Variants in REDIC1 observed in about 807,000 individuals in gnomAD.
REDIC1 encodes the protein regulator of DNA class I crossover intermediates 1, also known as HEI10 Interacting Protein 1.
the REDIC1 span, among the ~76,000 whole-genome samples, chr12:39,655,632 G>C: frequency 7.9e-5 from 12 of 152,174 alleles, no homozygotes; most frequent in South Asian, 1.0e-3. Context: ...GTCTCAGGGA[G>C]CTGCAGTGTT....
chr12:39,888,241 T>C, the REDIC1 span, among the ~76,000 whole-genome samples: 2 of 152,188 alleles, frequency 1.3e-5, no homozygotes, highest in Non-Finnish European at 2.9e-5. Flanking sequence ...TTTATTTATT[T>C]TGAGAAGGAG....
At chr12:39,866,774 C>T in the REDIC1 span, among the ~76,000 whole-genome samples, 1 of 152,126 alleles carries the variant, frequency 6.6e-6, no homozygotes, top group East Asian at 1.9e-4. Context: ...CCACAGCGCC[C>T]GGCCGAAAGA....
At chr12:39,894,730 G>A in the REDIC1 span, among the ~76,000 whole-genome samples, 1 of 152,112 alleles carries the variant, frequency 6.6e-6, no homozygotes, top group Admixed American at 6.6e-5. Context: ...CAAAAGGCTA[G>A]GTTCATTGGT....
chr12:39,906,735 A>G, the REDIC1 span, among the ~76,000 whole-genome samples: 2 of 152,112 alleles, frequency 1.3e-5, no homozygotes, highest in Non-Finnish European at 2.9e-5. Flanking sequence ...TTCTTATTAA[A>G]GTGAGAGCTA....
chr12:39,846,505 G>A, the REDIC1 span, among the ~76,000 whole-genome samples: 1 of 152,162 alleles, frequency 6.6e-6, no homozygotes, highest in Non-Finnish European at 1.5e-5. Flanking sequence ...CAGGGTGGGT[G>A]CAGTGGTGCA....
chr12:39,845,149 C>T, the REDIC1 span, among the ~76,000 whole-genome samples: 1 of 151,728 alleles, frequency 6.6e-6, no homozygotes, highest in Admixed American at 6.6e-5. Context: ...TGGGCAGTCA[C>T]GTTGCCTTTA....
At chr12:39,736,041 G>T in the REDIC1 span, among the ~76,000 whole-genome samples, 5 of 152,192 alleles carry the variant, frequency 3.3e-5, no homozygotes, top group Admixed American at 6.5e-5. Context: ...ATACTGGTAG[G>T]AAGCAGGCTG....
chr12:39,705,479 C>G, the REDIC1 span, among the ~76,000 whole-genome samples: 46 of 152,178 alleles, frequency 3.0e-4, no homozygotes, highest in African/African-American at 1.1e-3. Flanking sequence ...ATGTATTAAC[C>G]TGATACCAAA....
chr12:39,812,398 C>T, the REDIC1 span, among the ~76,000 whole-genome samples: 52 of 111,426 alleles, frequency 4.7e-4, 1 homozygote, highest in Admixed American at 3.6e-3. Flanking sequence ...TTCTCTCTCT[C>T]TTTCTTCCTT....
At chr12:39,725,357 A>G in the REDIC1 span, among the ~76,000 whole-genome samples, 13 of 152,144 alleles carry the variant, frequency 8.5e-5, no homozygotes, top group Admixed American at 8.5e-4. Context: ...GGGTCTTTAT[A>G]TTGTATATAG....
At chr12:39,799,091 T>A in the REDIC1 span, among the ~76,000 whole-genome samples, 1 of 147,676 alleles carries the variant, frequency 6.8e-6, no homozygotes, top group African/African-American at 2.5e-5. Context: ...CTTTTTTTTT[T>A]TTTTTAGACT....
the REDIC1 span, among the ~76,000 whole-genome samples, chr12:39,670,144 G>A: frequency 6.6e-6 from 1 of 152,140 alleles, no homozygotes; most frequent in Non-Finnish European, 1.5e-5. Context: ...TGTAGCTCAC[G>A]CTGGGAGCTG....
chr12:39,884,330 C>G, the REDIC1 span, among the ~76,000 whole-genome samples: 28 of 152,308 alleles, frequency 1.8e-4, no homozygotes, highest in Middle Eastern at 3.4e-3. Flanking sequence ...AAGGAACTTA[C>G]ACATGTCTTC....
At chr12:39,786,110 T>C in the REDIC1 span, among the ~76,000 whole-genome samples, 1 of 151,948 alleles carries the variant, frequency 6.6e-6, no homozygotes, top group Non-Finnish European at 1.5e-5. Context: ...ACATGAGATT[T>C]GGAGGGGCCA....
the REDIC1 span, among the ~76,000 whole-genome samples, chr12:39,812,075 C>T: frequency 2.6e-5 from 4 of 152,112 alleles, no homozygotes; most frequent in Admixed American, 2.6e-4. Context: ...ATGGCTCTTA[C>T]ACAAAGAAAT....
At chr12:39,894,144 G>A in the REDIC1 span, among the ~76,000 whole-genome samples, 5 of 152,084 alleles carry the variant, frequency 3.3e-5, no homozygotes, top group African/African-American at 1.2e-4. Context: ...ACGTCACTAG[G>A]GCTTTGCAAA....
At chr12:39,803,889 G>A in the REDIC1 span, among the ~76,000 whole-genome samples, 520 of 152,030 alleles carry the variant, frequency 3.4e-3, 3 homozygotes, top group African/African-American at 0.012. Flanking sequence ...GAAGGACAAC[G>A]ATCCCTTCCC....
At chr12:39,901,259 A>G in the REDIC1 span, among the ~76,000 whole-genome samples, 4 of 152,218 alleles carry the variant, frequency 2.6e-5, no homozygotes, top group Non-Finnish European at 4.4e-5. Context: ...CCTAGGCAAT[A>G]CCATTCAGGA....
At chr12:39,790,456 G>A in the REDIC1 span, among the ~76,000 whole-genome samples, 1 of 148,930 alleles carries the variant, frequency 6.7e-6, no homozygotes, top group Non-Finnish European at 1.5e-5. Context: ...ACCTATGAGT[G>A]AGAATATGCG....
Sources: allele counts gnomAD v4.1 joint callset (sites outside exome capture counted in the v4.1 genomes callset), GRCh38; gene constraint gnomAD v4.1.1; transcripts MANE v1.5; gene names NCBI Gene and HGNC (gene_info 2026-07-23, HGNC 2026-07-21).